The following SH3RF3 variants were observed in gnomAD, a reference collection of about 807,000 sequenced individuals.
SH3RF3 encodes E3 ubiquitin-protein ligase SH3RF3.
In SH3RF3, 29 loss-of-function variants were observed where a neutral mutation model predicts 66.3. That is an observed-to-expected ratio of 0.44 (90% CI 0.33 to 0.60). The LOEUF (loss-of-function observed/expected upper bound fraction) is 0.60. SH3RF3 is among the 20% of genes least tolerant of loss of function. The pLI is 0.04. For missense variants in SH3RF3, 1,194 were observed against 1,190.9 expected (o/e 1.00, Z -0.04); for synonymous variants, 583 against 532.0 (o/e 1.10, Z -1.32).
intron 1 of SH3RF3, among the ~76,000 whole-genome samples, chr2:109,158,728 T>C (rs1677413572): frequency 6.6e-6 from 1 of 152,240 alleles, no homozygotes; most frequent in African/African-American, 2.4e-5. Flanking sequence ...TGGATGAATG[T>C]TTTAACACAT....
chr2:109,260,904 G>T (rs1680337761), intron 1 of SH3RF3, among the ~76,000 whole-genome samples: 1 of 152,170 alleles, frequency 6.6e-6, no homozygotes, highest in Admixed American at 6.5e-5. Flanking sequence ...ACCCCATCCT[G>T]CCTCTGCTGT....
intron 1 of SH3RF3, among the ~76,000 whole-genome samples, chr2:109,146,429 C>A (rs868261147): frequency 6.6e-6 from 1 of 152,220 alleles, no homozygotes; most frequent in Non-Finnish European, 1.5e-5. Context: ...GTGGAGTCTT[C>A]TTGCATCAAT....
intron 1 of SH3RF3, among the ~76,000 whole-genome samples, chr2:109,282,991 G>A (rs1280837694): frequency 6.6e-6 from 1 of 152,204 alleles, no homozygotes; most frequent in Non-Finnish European, 1.5e-5. Context: ...CTCACGTGGA[G>A]GAAGGGGTGA....
At chr2:109,145,599 C>T (rs1204837688) in intron 1 of SH3RF3, among the ~76,000 whole-genome samples, 6 of 152,222 alleles carry the variant, frequency 3.9e-5, no homozygotes, top group East Asian at 1.9e-4. Context: ...CATGGTCGAG[C>T]GACCTTTGGC....
chr2:109,143,401 C>CT (rs1409023868), intron 1 of SH3RF3, among the ~76,000 whole-genome samples: 2 of 152,166 alleles, frequency 1.3e-5, no homozygotes, highest in Middle Eastern at 3.4e-3. Flanking sequence ...ATTCACAGGG[C>CT]CAATATCTGA....
intron 1 of SH3RF3, among the ~76,000 whole-genome samples, chr2:109,264,321 CT>C (rs1441246693): frequency 1.3e-5 from 2 of 149,282 alleles, no homozygotes; most frequent in Non-Finnish European, 3.0e-5. Context: ...TCTGTGTGTG[CT>C]CCCCGTTCAC....
chr2:109,260,031 A>AT (rs941912509), intron 1 of SH3RF3, among the ~76,000 whole-genome samples: 2 of 152,088 alleles, frequency 1.3e-5, no homozygotes, highest in African/African-American at 4.8e-5. Flanking sequence ...AGTAATTGTA[A>AT]TTTTTTTGGT....
At chr2:109,344,152 G>A (rs1448901246) in intron 1 of SH3RF3, among the ~76,000 whole-genome samples, 7 of 152,210 alleles carry the variant, frequency 4.6e-5, no homozygotes, top group Admixed American at 3.9e-4. Flanking sequence ...CTGCTACGCA[G>A]GGAGAACACT....
intron 1 of SH3RF3, among the ~76,000 whole-genome samples, chr2:109,219,653 T>G (rs556468082): frequency 6.6e-6 from 1 of 152,322 alleles, no homozygotes; most frequent in South Asian, 2.1e-4. Flanking sequence ...TCTATAGACT[T>G]GAACAATCCG....
chr2:109,237,503 A>C (rs374016135), intron 1 of SH3RF3, among the ~76,000 whole-genome samples: 14 of 152,358 alleles, frequency 9.2e-5, no homozygotes, highest in African/African-American at 2.9e-4. Context: ...AGCTTGTCCA[A>C]CCCGCGGCCT....
chr2:109,236,729 C>T (rs562374477), intron 1 of SH3RF3, among the ~76,000 whole-genome samples: 1 of 152,290 alleles, frequency 6.6e-6, no homozygotes, highest in Non-Finnish European at 1.5e-5. Context: ...ATTCTTACAG[C>T]ATGGACTGTT....
chr2:109,236,725 A>G (rs958915782), intron 1 of SH3RF3, among the ~76,000 whole-genome samples: 1 of 152,208 alleles, frequency 6.6e-6, no homozygotes, highest in African/African-American at 2.4e-5. Flanking sequence ...TTTTATTCTT[A>G]CAGCATGGAC....
At chr2:109,481,311 T>G (rs1573288011) in intron 8 of SH3RF3, among the ~76,000 whole-genome samples, 1 of 152,204 alleles carries the variant, frequency 6.6e-6, no homozygotes, top group African/African-American at 2.4e-5. Context: ...AGCTGGAGGG[T>G]GCACCTGTGC....
At chr2:109,164,571 A>G (rs996285103) in intron 1 of SH3RF3, among the ~76,000 whole-genome samples, 6 of 152,156 alleles carry the variant, frequency 3.9e-5, no homozygotes, top group Admixed American at 2.6e-4. Flanking sequence ...TACCCATTCA[A>G]ACTTTCACCT....
At chr2:109,191,263 T>C (rs1430307) in intron 1 of SH3RF3, among the ~76,000 whole-genome samples, 124,410 of 152,094 alleles carry the variant, frequency 0.82, 51,021 homozygotes, top group East Asian at 0.89. Context: ...GTTTCTGACA[T>C]CAAGAGGAAA....
chr2:109,430,612 C>T (rs1306084631), intron 5 of SH3RF3, among the ~76,000 whole-genome samples: 2 of 152,182 alleles, frequency 1.3e-5, no homozygotes, highest in Non-Finnish European at 2.9e-5. Flanking sequence ...GCACAATACA[C>T]AGGTACGTGT....
chr2:109,417,236 C>T (rs1030080104), intron 4 of SH3RF3, among the ~76,000 whole-genome samples: 5 of 152,160 alleles, frequency 3.3e-5, no homozygotes, highest in African/African-American at 1.2e-4. Context: ...TTCTCCTTCT[C>T]CCTCCCTTGG....
intron 1 of SH3RF3, among the ~76,000 whole-genome samples, chr2:109,232,876 T>G (rs1679547314): frequency 1.3e-5 from 2 of 152,212 alleles, no homozygotes; most frequent in East Asian, 3.9e-4. Context: ...AATTCACACT[T>G]TTTGGTTTAC....
chr2:109,196,268 T>G (rs1186117372), intron 1 of SH3RF3, among the ~76,000 whole-genome samples: 2 of 152,184 alleles, frequency 1.3e-5, no homozygotes, highest in African/African-American at 4.8e-5. Flanking sequence ...GCTGCTCTCC[T>G]GGGCCCCTGG....
Sources: gnomAD v4.1 joint callset for allele counts (sites outside exome capture counted in the v4.1 genomes callset) on GRCh38, gnomAD v4.1.1 for gene constraint, MANE v1.5 for transcripts, NCBI Gene and HGNC (gene_info 2026-07-23, HGNC 2026-07-21) for gene names.